CEACAM18: variants seen among roughly 807,000 people sequenced by gnomAD.
CEACAM18 encodes the protein CEA cell adhesion molecule 18, also known as cell adhesion molecule CEACAM18.
In CEACAM18, 33 loss-of-function variants were observed where a neutral mutation model predicts 34.3. That is an observed-to-expected ratio of 0.96 (90% CI 0.73 to 1.29). CEACAM18 has a LOEUF of 1.29. Among genes scored for constraint, CEACAM18 ranks in the 50% most tolerant of loss-of-function variants. The pLI, the probability that CEACAM18 is intolerant of heterozygous loss-of-function variation, is 0.00. For synonymous variants in CEACAM18, 169 were observed against 180.9 expected, an observed-to-expected ratio of 0.93 and a Z score of 0.53; for missense variants, 474 against 485.0, an observed-to-expected ratio of 0.98 and a Z score of 0.21.
rs894736606 is a variant in CEACAM18, at chr19:51,490,584, T to C, written c.1090-3T>C. On this transcript the variant is annotated splice_polypyrimidine_tract_variant and splice_region_variant and intron_variant, in intron 5 of 5. Coordinates refer to ENST00000396477, the Ensembl canonical transcript of CEACAM18. ...TGGCTTCTTCCCTGATTTCTCCCCA[T>C]AGGACAAATCGGGCTCCATGAGTGT... 8.9e-6 allele frequency: 11 copies of C among 1,231,952 alleles called. No individual in the cohort carries two copies. Among genetic ancestry groups the C allele is most frequent in the Non-Finnish European group, 1.1e-5 (11 of 988,086 alleles). The allele number at this position is 1,231,952 out of a possible 1,614,324, so 76.3% of individuals were successfully genotyped here.
intron 3 of CEACAM18, among the ~76,000 whole-genome samples, chr19:51,482,342 C>T (rs984996186): frequency 2.0e-5 from 3 of 152,144 alleles, no homozygotes; most frequent in Non-Finnish European, 2.9e-5. Context: ...TAAACTCTTC[C>T]ACATCTTCCA....
At chr19:51,479,628 T>C (rs1345043915) in intron 1 of CEACAM18, among the ~76,000 whole-genome samples, 2 of 152,194 alleles carry the variant, frequency 1.3e-5, no homozygotes, top group Non-Finnish European at 2.9e-5. Context: ...AGGGGACACC[T>C]GACCCAGGCT....
At chr19:51,478,947 CGCACAT>C (rs1989859932) in intron 1 of CEACAM18, among the ~76,000 whole-genome samples, 1 of 139,022 alleles carries the variant, frequency 7.2e-6, no homozygotes, top group African/African-American at 2.6e-5. Context: ...CACACGCACA[CGCACAT>C]GCACACACAC....
chr19:51,490,776 A>G, exon 6 of CEACAM18: 1 of 469,276 alleles, frequency 2.1e-6, no homozygotes, highest in Non-Finnish European at 3.4e-6. Context: ...AAGCCTGGAG[A>G]TGGAGGCTCC....
chr19:51,478,762 G>A (rs1348140902), intron 1 of CEACAM18, 68 bp downstream of exon 1: 20 of 1,204,132 alleles, frequency 1.7e-5, no homozygotes, highest in Middle Eastern at 2.2e-4. Flanking sequence ...GCAAAGCGGC[G>A]GGGAGGGGGC....
exon 6 of CEACAM18, chr19:51,490,769 C>T: frequency 2.0e-6 from 1 of 496,706 alleles, no homozygotes; most frequent in East Asian, 3.5e-5. Flanking sequence ...CACACGGAAG[C>T]CTGGAGATGG....
At chr19:51,478,979 C>G (rs188745753) in intron 1 of CEACAM18, among the ~76,000 whole-genome samples, 182 of 150,508 alleles carry the variant, frequency 1.2e-3, no homozygotes, top group African/African-American at 2.1e-3. Context: ...CGCGCACACA[C>G]AGAGAGAGAG....
intron 3 of CEACAM18, 124 bp from the exon 4 acceptor site, chr19:51,482,892 TG>T: frequency 1.9e-6 from 2 of 1,058,224 alleles, no homozygotes; most frequent in Non-Finnish European, 2.8e-6. Flanking sequence ...CTGCCTTGCC[TG>T]GGGCAGGTCT....
intron 4 of CEACAM18, 50 bp downstream of exon 4, chr19:51,483,346 A>G: frequency 6.2e-7 from 1 of 1,604,934 alleles, no homozygotes; most frequent in Non-Finnish European, 8.5e-7. Context: ...CCCTGCCTCC[A>G]TGCCCTGCTA....
chr19:51,486,433 T>A (rs1013124761), intron 5 of CEACAM18, among the ~76,000 whole-genome samples: 3 of 152,220 alleles, frequency 2.0e-5, no homozygotes, highest in South Asian at 2.1e-4. Flanking sequence ...GCAGGTTGCA[T>A]CATTGTGCCC....
At chr19:51,480,247 C>A in intron 1 of CEACAM18, 86 bp from the exon 2 acceptor site, 1 of 1,136,458 alleles carries the variant, frequency 8.8e-7, no homozygotes, top group East Asian at 2.6e-5. Context: ...GAATCGTTCC[C>A]GGATGGTGTC....
intron 4 of CEACAM18, among the ~76,000 whole-genome samples, chr19:51,484,318 C>CTTTTT (rs546695435): frequency 7.1e-6 from 1 of 141,382 alleles, no homozygotes; most frequent in African/African-American, 2.6e-5. Flanking sequence ...GCTGGGGAAG[C>CTTTTT]TTTTTTTTTT....
chr19:51,487,648 C>A (rs139002171), intron 5 of CEACAM18, among the ~76,000 whole-genome samples: 310 of 152,118 alleles, frequency 2.0e-3, no homozygotes, highest in Non-Finnish European at 3.4e-3. Context: ...CACCTGTAAT[C>A]CCAGTTACTT....
intron 5 of CEACAM18, among the ~76,000 whole-genome samples, chr19:51,486,817 A>C (rs1314717507): frequency 6.7e-6 from 1 of 148,442 alleles, no homozygotes; most frequent in African/African-American, 2.5e-5. Flanking sequence ...TCCCAGGTTC[A>C]TGCCATTCTC....
At chr19:51,481,562 C>T (rs200965013) in exon 3 of CEACAM18, 332 of 1,613,988 alleles carry the variant, frequency 2.1e-4, no homozygotes, top group African/African-American at 4.1e-4. Context: ...GCAAGACCCT[C>T]GTCATCCTCA....
intron 2 of CEACAM18, among the ~76,000 whole-genome samples, chr19:51,480,936 C>T (rs1347836307): frequency 1.3e-5 from 2 of 152,154 alleles, no homozygotes; most frequent in East Asian, 3.9e-4. Flanking sequence ...TGTGTTCCTT[C>T]TGTGTTCTTC....
chr19:51,482,229 C>A (rs888780986), intron 3 of CEACAM18, among the ~76,000 whole-genome samples: 1 of 152,096 alleles, frequency 6.6e-6, no homozygotes, highest in African/African-American at 2.4e-5. Context: ...GGAAGACCTC[C>A]ACAAATTCTC....
At chr19:51,478,786 A>C in intron 1 of CEACAM18, 92 bp downstream of exon 1, 8 of 883,386 alleles carry the variant, frequency 9.1e-6, no homozygotes, top group Non-Finnish European at 1.2e-5. Context: ...GACCATCCCC[A>C]TCCACGGGCA....
At chr19:51,487,752 C>T (rs1990030244) in intron 5 of CEACAM18, among the ~76,000 whole-genome samples, 1 of 152,154 alleles carries the variant, frequency 6.6e-6, no homozygotes, top group African/African-American at 2.4e-5. Context: ...CATGGCACTC[C>T]AGCCTGGGCG....
Sources: gnomAD v4.1 joint callset for allele counts (sites outside exome capture counted in the v4.1 genomes callset) on GRCh38, gnomAD v4.1.1 for gene constraint, MANE v1.5 for transcripts, NCBI Gene and HGNC (gene_info 2026-07-23, HGNC 2026-07-21) for gene names.